PRH1: variants seen among roughly 807,000 people sequenced by gnomAD.
The protein encoded by PRH1 is proline rich protein HaeIII subfamily 1.
Under a neutral mutation model 7.9 loss-of-function variants are expected in PRH1, and 7 were observed. That is an observed-to-expected ratio of 0.89 (90% CI 0.50 to 1.67). PRH1 has a LOEUF of 1.67. PRH1 is among the 40% of genes most tolerant of loss of function. PRH1 has a pLI of 0.00. For missense variants in PRH1, 109 were observed against 223.6 expected (o/e 0.49, Z 3.27); for synonymous variants, 45 against 80.8 (o/e 0.56, Z 2.38).
At chr12:10,954,675 C>G (rs2135920981) in intron 2 of PRH1, among the ~76,000 whole-genome samples, 1 of 152,134 alleles carries the variant, frequency 6.6e-6, no homozygotes, top group South Asian at 2.1e-4. Context: ...CAGGATTTTG[C>G]CATGTTGCTC....
intron 2 of PRH1, chr12:10,908,781 T>C (rs2135823668): frequency 6.2e-7 from 1 of 1,613,992 alleles, no homozygotes; most frequent in South Asian, 1.1e-5. Context: ...TGAAAATGTT[T>C]CAAAGTCACT....
chr12:10,898,999 G>A (rs1328749213), intron 2 of PRH1, among the ~76,000 whole-genome samples: 1 of 152,210 alleles, frequency 6.6e-6, no homozygotes, highest in Non-Finnish European at 1.5e-5. Context: ...GATTATTTTA[G>A]AACGTTAATA....
At chr12:11,049,656 C>T (rs575563991), upstream of PRH1, among the ~76,000 whole-genome samples, 7 of 152,242 alleles carry the variant, frequency 4.6e-5, no homozygotes, top group African/African-American at 1.4e-4. Context: ...TGTCCAGCAT[C>T]GTCAGTTGTT....
chr12:10,909,661 G>C (rs1008938453), intron 2 of PRH1: 2 of 199,720 alleles, frequency 1.0e-5, no homozygotes, highest in Non-Finnish European at 2.0e-5. Flanking sequence ...TTTTTGCCTT[G>C]TCTGAGCATA....
intron 1 of PRH1, chr12:11,006,003 T>C (rs943676148): frequency 8.5e-5 from 13 of 152,136 alleles, no homozygotes; most frequent in Admixed American, 2.6e-4. Context: ...TTAAGAAGAA[T>C]AGATGTTAGT....
chr12:10,908,391 C>T (rs754206581), intron 2 of PRH1: 6 of 1,603,512 alleles, frequency 3.7e-6, no homozygotes, highest in African/African-American at 2.7e-5. Flanking sequence ...AGTTTCTCAT[C>T]GTTTAGCCCA....
intron 2 of PRH1, among the ~76,000 whole-genome samples, chr12:10,911,100 A>G (rs1017291971): frequency 6.6e-6 from 1 of 152,130 alleles, no homozygotes; most frequent in Admixed American, 6.5e-5. Context: ...GTGGTCTTCC[A>G]TTTGCATTCT....
chr12:11,068,642 A>T (rs183412120), intron 1 of PRH1, among the ~76,000 whole-genome samples: 4 of 152,332 alleles, frequency 2.6e-5, no homozygotes, highest in Admixed American at 2.6e-4. Context: ...GAGATTAGTA[A>T]CTAAGATACT....
At chr12:10,991,189 CA>C (rs2135993712) in intron 1 of PRH1, among the ~76,000 whole-genome samples, 1 of 152,250 alleles carries the variant, frequency 6.6e-6, no homozygotes, top group Non-Finnish European at 1.5e-5. Flanking sequence ...ATGATAAAAA[CA>C]TGAGTGTAGA....
chr12:11,125,896 T>TAAAA (rs1555170126), intron 1 of PRH1, among the ~76,000 whole-genome samples: 2 of 72,838 alleles, frequency 2.7e-5, no homozygotes, highest in East Asian at 3.7e-4. Flanking sequence ...AAAATTAATT[T>TAAAA]AAAGTTTAAA....
At chr12:11,083,258 C>T (rs77586317) in intron 1 of PRH1, among the ~76,000 whole-genome samples, 30,585 of 63,872 alleles carry the variant, frequency 0.48, 8,975 homozygotes, top group Non-Finnish European at 0.64. Context: ...AGGTGTCTAG[C>T]AAAATACAGA....
chr12:11,083,918 T>C (rs76242542), intron 1 of PRH1, among the ~76,000 whole-genome samples: 19,814 of 50,072 alleles, frequency 0.4, 2,609 homozygotes, highest in Non-Finnish European at 0.5. Flanking sequence ...GTAAACATGT[T>C]GCTCTAGTTG....
chr12:10,884,789 G>A (rs547252930), upstream of PRH1, among the ~76,000 whole-genome samples: 3 of 152,276 alleles, frequency 2.0e-5, no homozygotes, highest in African/African-American at 7.2e-5. Context: ...TGAGATGTGT[G>A]AGGACAGCAC....
intron 1 of PRH1, chr12:10,986,297 A>G: frequency 1.2e-6 from 2 of 1,614,100 alleles, no homozygotes; most frequent in Admixed American, 1.7e-5. Context: ...GGGACAGAGT[A>G]AAGGGTATGA....
At chr12:10,964,874 C>G in intron 2 of PRH1, 1 of 556,018 alleles carries the variant, frequency 1.8e-6, no homozygotes, top group Middle Eastern at 3.1e-4. Context: ...ACTCACGTTT[C>G]CTTCATATTC....
chr12:11,145,190 T>G (rs1397877049), intron 1 of PRH1, among the ~76,000 whole-genome samples: 1 of 152,158 alleles, frequency 6.6e-6, no homozygotes, highest in Non-Finnish European at 1.5e-5. Context: ...TTGTTTTGTT[T>G]TTTGTTTTTG....
chr12:11,002,308 C>T (rs185780350), intron 1 of PRH1, among the ~76,000 whole-genome samples: 55 of 152,116 alleles, frequency 3.6e-4, no homozygotes, highest in African/African-American at 1.0e-3. Context: ...CTAAGTGCTG[C>T]GTTTCAGGGT....
At position 10,923,990 on chromosome 12, in the gene PRH1, G is replaced by GTTTTTTTTTT. The variant is rs35612831; in HGVS notation, c.-58-39725_-58-39716dup. On this transcript the variant is annotated intron_variant, in intron 2 of 3. Transcript: ENST00000539853. ...GTTCTTTTTATTCATTTCTCCATCT[G>GTTTTTTTTTT]TTTTTTTTTTTTTTTTTTTTTTTGA... is the stretch of plus-strand genomic sequence containing the variant. Among the ~76,000 whole-genome samples the GTTTTTTTTTT allele has an allele frequency of 3.0e-4, 27 of 89,490 alleles. 3 individuals are homozygous for GTTTTTTTTTT. Among genetic ancestry groups the GTTTTTTTTTT allele is most frequent in the Non-Finnish European group, 3.9e-4 (21 of 53,744 alleles). 58.7% of individuals were successfully genotyped at this position (89,490 alleles called of 152,430 possible).
chr12:10,904,860 CA>C (rs1252862473), intron 2 of PRH1, among the ~76,000 whole-genome samples: 4 of 151,922 alleles, frequency 2.6e-5, no homozygotes, highest in Non-Finnish European at 5.9e-5. Context: ...TAAAAACGAG[CA>C]AAAGACATGA....
Sources: allele counts gnomAD v4.1 joint callset (sites outside exome capture counted in the v4.1 genomes callset), GRCh38; gene constraint gnomAD v4.1.1; transcripts MANE v1.5; gene names NCBI Gene and HGNC (gene_info 2026-07-23, HGNC 2026-07-21).